Variants in YBEY observed in about 807,000 individuals in gnomAD.
YBEY encodes ybeY metalloendoribonuclease.
YBEY carries 15 observed loss-of-function variants against 13.5 expected under a neutral mutation model. That is an observed-to-expected ratio of 1.11 (90% CI 0.75 to 1.72). The LOEUF is 1.72. Ranked by LOEUF, YBEY falls within the 40% of genes most tolerant of loss-of-function variation. The probability of loss-of-function intolerance (pLI) is 0.00; values close to 1 mark genes in which losing one functional copy is unlikely to be tolerated. For synonymous variants in YBEY, 101 were observed against 83.1 expected (o/e 1.21, Z -1.17); for missense variants, 244 against 208.4 (o/e 1.17, Z -1.05).
intron 3 of YBEY, 155 bp downstream of exon 3, chr21:46,291,617 T>C: frequency 2.1e-6 from 3 of 1,452,348 alleles, no homozygotes; most frequent in Non-Finnish European, 1.8e-6. Context: ...GCACCCAGGC[T>C]GGGTAGGGAC....
At chr21:46,303,696 AC>A in the YBEY span, among the ~76,000 whole-genome samples, 1 of 114,370 alleles carries the variant, frequency 8.7e-6, no homozygotes, top group Non-Finnish European at 1.8e-5. Flanking sequence ...ACACACACAC[AC>A]ACACACACAA....
At chr21:46,288,564 A>G (rs929161479) in intron 2 of YBEY, among the ~76,000 whole-genome samples, 1 of 152,176 alleles carries the variant, frequency 6.6e-6, no homozygotes, top group African/African-American at 2.4e-5. Context: ...CTGTAATCCC[A>G]GCTACTCGGG....
chr21:46,311,682 C>CCCAT, the YBEY span: 2 of 513,558 alleles, frequency 3.9e-6, no homozygotes, highest in East Asian at 3.3e-5. Context: ...CAACCATCCA[C>CCCAT]CCATCCATCC....
chr21:46,312,925 T>G, the YBEY span: 1 of 898,832 alleles, frequency 1.1e-6, no homozygotes, highest in Non-Finnish European at 1.3e-6. Context: ...GAAAATGAAC[T>G]TTGGTTTCTC....
chr21:46,299,091 C>CA (rs2082046215), downstream of YBEY, among the ~76,000 whole-genome samples: 1 of 148,268 alleles, frequency 6.7e-6, no homozygotes, highest in Admixed American at 6.9e-5. Flanking sequence ...CTGAGCCTCC[C>CA]AGGTAGCTTG....
chr21:46,296,274 A>G (rs1377665743), intron 4 of YBEY, 44 bp downstream of exon 4: 1 of 1,608,920 alleles, frequency 6.2e-7, no homozygotes, highest in Non-Finnish European at 8.5e-7. Context: ...TGCGTGGGGG[A>G]AGGAGGCTCC....
At chr21:46,299,332 C>T (rs981186476), downstream of YBEY, among the ~76,000 whole-genome samples, 4 of 152,040 alleles carry the variant, frequency 2.6e-5, no homozygotes, top group East Asian at 3.9e-4. Context: ...GAGGAAGAGC[C>T]GCCCGTGGCC....
chr21:46,304,663 G>A, the YBEY span, among the ~76,000 whole-genome samples: 1 of 152,230 alleles, frequency 6.6e-6, no homozygotes, highest in Non-Finnish European at 1.5e-5. Flanking sequence ...TCTCATTCAT[G>A]TATGTGGAGT....
rs1188490581 is a variant in YBEY at position 46,286,987 on chromosome 21, T to A, written c.74T>A (p.Ile25Asn). Residue 25 changes from isoleucine to asparagine, a missense_variant, in exon 2 of 5, where the codon ATT becomes AAT. Transcript: ENST00000397701. Reference protein sequence around the residue: ...RRAPLRSKIEIVRRILGVQKF... With the variant: ...RRAPLRSKIENVRRILGVQKF... ...GCGCCACTTCGCAGTAAGATCGAGA[T>A]TGTAAGGAGGATTTTAGGAGTGCAG... 2 of 1,613,930 alleles carry A rather than the reference T, an allele frequency of 1.2e-6. No individual in the cohort carries two copies. The highest frequency in any genetic ancestry group is 2.7e-5 in the African/African-American group (2 of 74,878).
chr21:46,291,528 A>T (rs1194514629), intron 3 of YBEY, 66 bp downstream of exon 3: 1 of 1,597,824 alleles, frequency 6.3e-7, no homozygotes, highest in African/African-American at 1.4e-5. Flanking sequence ...AGGGGTCAAG[A>T]TCACAACCCT....
the YBEY span, among the ~76,000 whole-genome samples, chr21:46,311,982 T>TCCACCCATCCACCCATCCAC: frequency 0.076 from 1,987 of 26,298 alleles, 73 homozygotes; most frequent in Middle Eastern, 0.15. Flanking sequence ...CACCCATCCA[T>TCCACCCATCCACCCATCCAC]CCACCCATCC....
chr21:46,287,983 G>A (rs2081531881), intron 2 of YBEY, among the ~76,000 whole-genome samples: 1 of 151,606 alleles, frequency 6.6e-6, no homozygotes, highest in Admixed American at 6.6e-5. Flanking sequence ...TTGCACTCCA[G>A]CCTGGGCAAG....
downstream of YBEY, chr21:46,301,092 T>TC: frequency 3.0e-6 from 3 of 1,012,406 alleles, no homozygotes; most frequent in Non-Finnish European, 3.6e-6. Context: ...TCCCTTTTTT[T>TC]TTTTTATTAA....
chr21:46,297,672 T>C lies in YBEY; in HGVS notation c.*38T>C. ...TTCTGAAAGCGGGACGCGGGAGGGG[T>C]GGAGGCTGCGGGGAGCCGGGGTCGC... On this transcript the variant is annotated 3_prime_UTR_variant, in exon 5 of 5. Coordinates refer to ENST00000397701, the MANE Select transcript of YBEY (RefSeq NM_001314025.2). The C allele has an allele frequency of 7.8e-7, 1 of 1,278,674 alleles. No individual in the cohort carries two copies. The highest frequency in any genetic ancestry group is 1.0e-6 in the Non-Finnish European group (1 of 1,001,704). 79.2% of individuals were successfully genotyped at this position (1,278,674 alleles called of 1,614,324 possible). A position where few individuals can be genotyped will look rare whatever the true frequency, so the allele number is the denominator to read the frequency against.
rs2081430890 is a variant in YBEY at position 46,286,411 on chromosome 21, C to T, written c.-49C>T. On this transcript the variant is annotated 5_prime_UTR_variant, in exon 1 of 5. Coordinates refer to ENST00000397701, the MANE Select transcript of YBEY (RefSeq NM_001314025.2). ...TCTCGCGTCCTTTGCTGGGTCCAGACACCGGTACGTCCGGGCGGGTTTTTA... is the reference window on the plus strand; with the variant it reads ...TCTCGCGTCCTTTGCTGGGTCCAGATACCGGTACGTCCGGGCGGGTTTTTA... 1 of 156,594 alleles carries T rather than the reference C, an allele frequency of 6.4e-6. No homozygotes were observed. The highest frequency in any genetic ancestry group is 6.4e-5 in the Admixed American group (1 of 15,670). 9.7% of individuals were successfully genotyped at this position (156,594 alleles called of 1,614,324 possible). A position where few individuals can be genotyped will look rare whatever the true frequency, so the allele number is the denominator to read the frequency against.
the YBEY span, chr21:46,311,660 C>G: frequency 3.7e-5 from 21 of 569,320 alleles, no homozygotes; most frequent in African/African-American, 3.4e-4. Context: ...CCCATCCAAC[C>G]AACCAACCAA....
downstream of YBEY, chr21:46,302,087 T>C (rs1198190021): frequency 2.7e-5 from 42 of 1,533,238 alleles, no homozygotes; most frequent in Non-Finnish European, 3.6e-5. Flanking sequence ...GTGGTGGTGG[T>C]GGTGGTGCAC....
the YBEY span, among the ~76,000 whole-genome samples, chr21:46,305,166 C>T: frequency 3.9e-5 from 6 of 152,188 alleles, no homozygotes; most frequent in African/African-American, 1.2e-4. Flanking sequence ...CAGGCACTGA[C>T]GGGAGGGGGT....
chr21:46,300,938 G>T (rs2082086065), downstream of YBEY: 2 of 804,998 alleles, frequency 2.5e-6, no homozygotes, highest in Non-Finnish European at 3.4e-6. Context: ...TGTCCACATG[G>T]TAAGAAACCC....
Sources: gnomAD v4.1 joint callset for allele counts (sites outside exome capture counted in the v4.1 genomes callset) on GRCh38, gnomAD v4.1.1 for gene constraint, MANE v1.5 for transcripts, NCBI Gene and HGNC (gene_info 2026-07-23, HGNC 2026-07-21) for gene names.